SLC25A20: variants seen among roughly 807,000 people sequenced by gnomAD.
SLC25A20 encodes the protein mitochondrial carnitine/acylcarnitine carrier protein.
A neutral mutation model predicts 39.7 loss-of-function variants in SLC25A20; 29 were observed. The observed-to-expected ratio is 0.73, with a 90% CI of 0.54 to 1.00. SLC25A20 has a LOEUF of 1.00. Among genes scored for constraint, SLC25A20 ranks in the 50% least tolerant of loss-of-function variants. SLC25A20 has a pLI of 0.00. For synonymous variants in SLC25A20, 103 were observed against 142.2 expected, an observed-to-expected ratio of 0.72 and a Z score of 1.96; for missense variants, 333 against 379.9, an observed-to-expected ratio of 0.88 and a Z score of 1.03.
At position 48,858,511 on chromosome 3, in the gene SLC25A20, T is replaced by C. The variant is rs2083597794; in HGVS notation, c.839A>G (p.Asn280Ser). ...NAVMIRAFPA[N>S]AACFLGFEVA... ...ACAGCCCTGCCAGCTACTCACCGCA[T>C]TGGCTGGGAAGGCTCGGATCATCAC... The change falls in exon 8 of 9, where the codon AAT becomes AGT. Residue 280 changes from asparagine (N) to serine (S), a missense_variant. Physicochemically the swap from Asn to Ser is conservative, Grantham distance 46. Transcript: ENST00000319017. 3.7e-6 allele frequency: 6 copies of C among 1,614,168 alleles called. No homozygotes were observed. Among genetic ancestry groups the C allele is most frequent in the Non-Finnish European group, 4.2e-6 (5 of 1,180,038 alleles).
chr3:48,861,499 G>C (rs1397946610), intron 5 of SLC25A20, among the ~76,000 whole-genome samples: 2 of 152,210 alleles, frequency 1.3e-5, no homozygotes, highest in African/African-American at 4.8e-5. Context: ...GACCAAGGCA[G>C]GTGGATCATC....
At chr3:48,860,230 G>A (rs1264676377) in intron 5 of SLC25A20, among the ~76,000 whole-genome samples, 1 of 151,886 alleles carries the variant, frequency 6.6e-6, no homozygotes, top group Non-Finnish European at 1.5e-5. Context: ...GAACCCGGGA[G>A]GTGGAGGTTG....
At chr3:48,875,383 A>G (rs1008265083) in intron 4 of SLC25A20, among the ~76,000 whole-genome samples, 3 of 151,988 alleles carry the variant, frequency 2.0e-5, no homozygotes, top group African/African-American at 7.2e-5. Flanking sequence ...TACTGGCGTG[A>G]GCCACCGCAC....
At chr3:48,863,826 C>A (rs956662631) in intron 4 of SLC25A20, among the ~76,000 whole-genome samples, 1 of 149,976 alleles carries the variant, frequency 6.7e-6, no homozygotes, top group Non-Finnish European at 1.5e-5. Context: ...ACCAGCCTGA[C>A]CAACATGGTG....
chr3:48,880,269 TCTTTC>T (rs954691766), intron 3 of SLC25A20, among the ~76,000 whole-genome samples: 1 of 152,046 alleles, frequency 6.6e-6, no homozygotes, highest in African/African-American at 2.4e-5. Context: ...TCTTTTCTTT[TCTTTC>T]GTCTTTTTGT....
rs1422715999 is a variant in SLC25A20, at chr3:48,857,506, T to C, written c.*204A>G. On this transcript the variant is annotated 3_prime_UTR_variant, in exon 9 of 9. Coordinates refer to ENST00000319017, the MANE Select transcript of SLC25A20 (RefSeq NM_000387.6). Reference sequence around the variant, plus strand: ...TTAAGATCCCTTAAATTGATAAGAATGAATTCAAGTTTCAAAATGACACAC... The same window carrying C: ...TTAAGATCCCTTAAATTGATAAGAACGAATTCAAGTTTCAAAATGACACAC... 2 of 598,468 alleles carry C rather than the reference T, an allele frequency of 3.3e-6. No homozygotes were observed. Among genetic ancestry groups the C allele is most frequent in the Non-Finnish European group, 6.1e-6 (2 of 327,750 alleles). The allele number at this position is 598,468 out of a possible 1,614,324, so 37.1% of individuals were successfully genotyped here. A position where few individuals can be genotyped will look rare whatever the true frequency, so the allele number is the denominator to read the frequency against.
intron 1 of SLC25A20, among the ~76,000 whole-genome samples, chr3:48,897,376 T>A (rs1174226752): frequency 1.9e-4 from 27 of 144,812 alleles, no homozygotes; most frequent in African/African-American, 6.3e-4. Context: ...TATTTTTTTT[T>A]TTTTTTTTTT....
intron 4 of SLC25A20, among the ~76,000 whole-genome samples, chr3:48,878,122 G>A (rs868457009): frequency 2.9e-4 from 44 of 151,536 alleles, no homozygotes; most frequent in African/African-American, 9.4e-4. Context: ...TTAGGTGGGC[G>A]TGGTGGCACA....
At chr3:48,882,983 C>T (rs898246220) in intron 3 of SLC25A20, among the ~76,000 whole-genome samples, 16 of 148,002 alleles carry the variant, frequency 1.1e-4, no homozygotes, top group Admixed American at 8.8e-4. Flanking sequence ...GTCAGGAGAT[C>T]GAGACCATCC....
chr3:48,878,047 G>T (rs1575986761), intron 4 of SLC25A20, among the ~76,000 whole-genome samples: 1 of 151,970 alleles, frequency 6.6e-6, no homozygotes, highest in South Asian at 2.1e-4. Flanking sequence ...CAGATCACAA[G>T]GTTAAGAGAT....
chr3:48,864,658 G>A (rs1206619684), intron 4 of SLC25A20, among the ~76,000 whole-genome samples: 1 of 151,858 alleles, frequency 6.6e-6, no homozygotes, highest in Admixed American at 6.6e-5. Flanking sequence ...GAGAATGCTG[G>A]AGCCAATTCA....
At chr3:48,867,411 A>ATTTTTTTTTTTTTTTTTT (rs58122933) in intron 4 of SLC25A20, among the ~76,000 whole-genome samples, 108 of 108,356 alleles carry the variant, frequency 1.0e-3, no homozygotes, top group Middle Eastern at 6.7e-3. Flanking sequence ...TGCCTGGGTA[A>ATTTTTTTTTTTTTTTTTT]TTTTTTTTTT....
Position 48,859,670 on chromosome 3 carries a change from T to C in SLC25A20, c.536-43A>G, listed in dbSNP as rs989183635. 103 of 1,472,426 alleles carry C rather than the reference T, an allele frequency of 7.0e-5. 1 individual carries two copies. Among genetic ancestry groups the C allele is most frequent in the Non-Finnish European group, 9.7e-5 (102 of 1,051,152 alleles). The allele number at this position is 1,472,426 out of a possible 1,614,324, so 91.2% of individuals were successfully genotyped here. On this transcript the variant is annotated intron_variant, in intron 5 of 8. Transcript: ENST00000319017. ...AAGGTGAATTAAAGTACATAAACTC[T>C]TCGCCAGGCATGGTGGTACACACCT... is the stretch of plus-strand genomic sequence containing the variant.
chr3:48,874,147 C>T (rs2083737905), intron 4 of SLC25A20, among the ~76,000 whole-genome samples: 1 of 151,798 alleles, frequency 6.6e-6, no homozygotes, highest in Non-Finnish European at 1.5e-5. Context: ...CAAAAATTAG[C>T]CAGGCATGAT....
intron 4 of SLC25A20, among the ~76,000 whole-genome samples, chr3:48,870,030 C>T (rs572593301): frequency 6.6e-6 from 1 of 151,878 alleles, no homozygotes; most frequent in Admixed American, 6.6e-5. Flanking sequence ...GTGAGAGGAT[C>T]GCTTGAGCCT....
intron 4 of SLC25A20, among the ~76,000 whole-genome samples, chr3:48,866,113 A>C (rs2083666551): frequency 1.3e-5 from 2 of 150,188 alleles, no homozygotes. Flanking sequence ...CAGCCTGGCG[A>C]CAGAGCGAGA....
At chr3:48,888,891 C>A (rs907459621) in intron 2 of SLC25A20, among the ~76,000 whole-genome samples, 28 of 151,742 alleles carry the variant, frequency 1.8e-4, no homozygotes, top group Non-Finnish European at 3.5e-4. Flanking sequence ...TCGAGACCAT[C>A]CTGGTTAACA....
intron 4 of SLC25A20, among the ~76,000 whole-genome samples, chr3:48,869,048 C>A (rs775189438): frequency 6.6e-6 from 1 of 152,158 alleles, no homozygotes; most frequent in Non-Finnish European, 1.5e-5. Flanking sequence ...AGCACCCCAT[C>A]GTCAGGTGTC....
Position 48,859,152 on chromosome 3 carries a change from C to G in SLC25A20, c.658G>C (p.Gly220Arg). 6.2e-7 allele frequency: 1 copy of G among 1,614,086 alleles called. No homozygotes were observed. The highest frequency in any genetic ancestry group is 8.5e-7 in the Non-Finnish European group (1 of 1,180,010). The change falls in exon 7 of 9, where the codon GGG becomes CGG. Residue 220 changes from glycine (G) to arginine (R), a missense_variant. Transcript: ENST00000319017. The stretch of plus-strand genomic sequence containing the variant: ...ATTGCCACAGCCCAGTTGAAGATCC[C>G]TGCAATGCCCCCAGCCACCAAGATC... Reference protein sequence around the residue: ...PRILVAGGIAGIFNWAVAIPP... With the variant: ...PRILVAGGIARIFNWAVAIPP...
Sources: gnomAD v4.1 joint callset for allele counts (sites outside exome capture counted in the v4.1 genomes callset) on GRCh38, gnomAD v4.1.1 for gene constraint, MANE v1.5 for transcripts, NCBI Gene and HGNC (gene_info 2026-07-23, HGNC 2026-07-21) for gene names.